Variants in VWA3A observed in about 807,000 individuals in gnomAD.
The protein encoded by VWA3A is von Willebrand factor A domain-containing protein 3A.
VWA3A carries 134 observed loss-of-function variants against 160.4 expected under a neutral mutation model. The ratio of observed to expected loss-of-function variants is 0.84; its 90% CI spans 0.73 to 0.96. The LOEUF is 0.96. Among genes scored for constraint, VWA3A ranks in the 40% least tolerant of loss-of-function variants. The pLI, the probability that VWA3A is intolerant of heterozygous loss-of-function variation, is 0.00. For missense variants in VWA3A, 1,310 were observed against 1,447.9 expected, an observed-to-expected ratio of 0.90 and a Z score of 1.55; for synonymous variants, 476 against 543.4, an observed-to-expected ratio of 0.88 and a Z score of 1.72.
chr16:22,142,169 G>T lies in VWA3A; in HGVS notation c.2494+477G>T, dbSNP rs1300001572. On this transcript the variant is annotated intron_variant, in intron 24 of 33. Coordinates refer to ENST00000389398, the MANE Select transcript of VWA3A (RefSeq NM_173615.5). The stretch of plus-strand genomic sequence containing the variant: ...TTTTACAACTGACTTGATTGACAGA[G>T]AAATTGACATGAAAAAGGGAGCAGT... Among the ~76,000 whole-genome samples, 3 of 152,172 alleles carry T rather than the reference G, an allele frequency of 2.0e-5. No homozygotes were observed. The East Asian group carries it at 5.8e-4, about 29-fold the overall frequency.
chr16:22,130,290 A>T (rs2045925641), intron 17 of VWA3A, among the ~76,000 whole-genome samples: 1 of 152,124 alleles, frequency 6.6e-6, no homozygotes, highest in Non-Finnish European at 1.5e-5. Flanking sequence ...GAAAGAGAAA[A>T]GAGCGAAGTC....
At chr16:22,109,225 A>G (rs1428375145) in intron 6 of VWA3A, among the ~76,000 whole-genome samples, 1 of 152,222 alleles carries the variant, frequency 6.6e-6, no homozygotes, top group Non-Finnish European at 1.5e-5. Context: ...ACCATGTATT[A>G]CTTCATAAGA....
chr16:22,139,534 A>C (rs2046105360), intron 22 of VWA3A, among the ~76,000 whole-genome samples: 1 of 152,050 alleles, frequency 6.6e-6, no homozygotes. Flanking sequence ...TCTCTATTAA[A>C]AATACAGAAA....
Position 22,097,590 on chromosome 16 carries a change from C to CAGAGATTCAAAGAAGCCACT in VWA3A, c.122_141dup (p.Lys48GlufsTer7). ...TTTGTAGCATTAGGAGAAACACTGGCAGAGATTCAAAGAAGCCACTAAAGC... is the reference window on the plus strand; with the variant it reads ...TTTGTAGCATTAGGAGAAACACTGGCAGAGATTCAAAGAAGCCACTAGAGATTCAAAGAAGCCACTAAAGC... On this transcript the variant is annotated frameshift_variant, in exon 3 of 34. Transcript: ENST00000389398. LOFTEE classifies it high-confidence loss of function. 1 of 1,551,534 alleles carries CAGAGATTCAAAGAAGCCACT rather than the reference C, an allele frequency of 6.4e-7. No homozygotes were observed. Among genetic ancestry groups the CAGAGATTCAAAGAAGCCACT allele is most frequent in the Non-Finnish European group, 8.7e-7 (1 of 1,146,954 alleles).
rs397754746 is a variant in VWA3A, at chr16:22,096,963, A to AT, written c.101+38dup. 146,096 of 1,062,956 alleles carry AT rather than the reference A, an allele frequency of 0.14. 465 individuals are homozygous for AT. The highest frequency in any genetic ancestry group is 0.15 in the Non-Finnish European group (119,603 of 772,706). The allele number at this position is 1,062,956 out of a possible 1,614,324, so 65.8% of individuals were successfully genotyped here. A position where few individuals can be genotyped will look rare whatever the true frequency, so the allele number is the denominator to read the frequency against. On this transcript the variant is annotated intron_variant, in intron 2 of 33. Coordinates refer to ENST00000389398, the MANE Select transcript of VWA3A (RefSeq NM_173615.5). ...AACCATTGGTAAGCATAGTTCTCTG[A>AT]TTTTTTTTTTTTTTTTTTTTGAGGC...
intron 20 of VWA3A, among the ~76,000 whole-genome samples, chr16:22,133,397 A>G (rs1260149180): frequency 6.6e-6 from 1 of 152,126 alleles, no homozygotes; most frequent in South Asian, 2.1e-4. Context: ...CATACCCACA[A>G]TCCCAGCAGT....
At chr16:22,112,237 C>A (rs2045562657) in intron 8 of VWA3A, among the ~76,000 whole-genome samples, 1 of 152,104 alleles carries the variant, frequency 6.6e-6, no homozygotes, top group South Asian at 2.1e-4. Context: ...AAGGGAATGT[C>A]CTCGATTGCC....
chr16:22,099,444 C>T lies in VWA3A; in HGVS notation c.226-750C>T, dbSNP rs144781663. 2.3e-4 allele frequency among the ~76,000 whole-genome samples: 35 copies of T among 152,272 alleles called. No homozygotes were observed. In the East Asian group the frequency reaches 6.8e-3, roughly 29 times the overall value. On this transcript the variant is annotated intron_variant, in intron 3 of 33. Transcript: ENST00000389398. ...ATCTGCCACTTTCTAGCTGGATGAC[C>T]TTGGACTGATTACCTAAATTATCTG...
chr16:22,126,398 G>C, intron 17 of VWA3A, 101 bp downstream of exon 17: 1 of 1,476,344 alleles, frequency 6.8e-7, no homozygotes, highest in South Asian at 1.4e-5. Flanking sequence ...AGATATTGAC[G>C]TCATGGTCAC....
At chr16:22,141,135 T>C (rs894410179) in intron 23 of VWA3A, 20 of 455,238 alleles carry the variant, frequency 4.4e-5, no homozygotes, top group South Asian at 3.1e-4. Context: ...TAACAGGCCT[T>C]CACAATCTTA....
chr16:22,134,330 C>T, intron 20 of VWA3A, 38 bp from the exon 21 acceptor site: 1 of 1,557,804 alleles, frequency 6.4e-7, no homozygotes, highest in Non-Finnish European at 8.7e-7. Flanking sequence ...AGGATCCACA[C>T]CCTGTCTCAC....
chr16:22,094,533 T>C (rs2045286500), intron 1 of VWA3A, among the ~76,000 whole-genome samples: 1 of 151,900 alleles, frequency 6.6e-6, no homozygotes, highest in Non-Finnish European at 1.5e-5. Flanking sequence ...GGTATTTTTT[T>C]GGTTGCAAAT....
chr16:22,149,733 C>T (rs2046314634), intron 28 of VWA3A, 54 bp from the exon 29 acceptor site: 2 of 1,541,042 alleles, frequency 1.3e-6, no homozygotes, highest in African/African-American at 2.7e-5. Flanking sequence ...CCTGTTCTAA[C>T]CAATCTCTTT....
intron 26 of VWA3A, among the ~76,000 whole-genome samples, chr16:22,144,791 G>A: frequency 6.6e-6 from 1 of 152,036 alleles, no homozygotes; most frequent in East Asian, 1.9e-4. Flanking sequence ...CTGTGTGCCT[G>A]TAGTCCGAGC....
chr16:22,147,137 C>A (rs1598106546), intron 27 of VWA3A, among the ~76,000 whole-genome samples: 1 of 152,132 alleles, frequency 6.6e-6, no homozygotes, highest in African/African-American at 2.4e-5. Context: ...ATCCTCCCAC[C>A]TCAACCTTGC....
intron 10 of VWA3A, 94 bp downstream of exon 10, chr16:22,116,961 C>T: frequency 7.0e-7 from 1 of 1,425,344 alleles, no homozygotes; most frequent in Non-Finnish European, 9.8e-7. Context: ...GGCCCCCGAG[C>T]TGTGGACCAG....
At chr16:22,115,133 G>T (rs192501096) in intron 8 of VWA3A, among the ~76,000 whole-genome samples, 1 of 152,178 alleles carries the variant, frequency 6.6e-6, no homozygotes, top group Non-Finnish European at 1.5e-5. Context: ...AAAATTAGCC[G>T]GGCAGGATGC....
chr16:22,097,835 C>A lies in VWA3A; in HGVS notation c.225+140C>A, dbSNP rs910492604. ...GAGTAATTAAGCATTTATCTCTAAT[C>A]CTCTGCCTTCAGAAATGACTGAAGA... On this transcript the variant is annotated intron_variant, in intron 3 of 33. Coordinates refer to ENST00000389398, the MANE Select transcript of VWA3A (RefSeq NM_173615.5). The A allele has an allele frequency of 5.9e-6, 7 of 1,186,136 alleles. No individual in the cohort carries two copies. The African/African-American group carries it at 7.7e-5, about 13-fold the overall frequency. 73.5% of individuals were successfully genotyped at this position (1,186,136 alleles called of 1,614,324 possible). A position where few individuals can be genotyped will look rare whatever the true frequency, so the allele number is the denominator to read the frequency against.
intron 28 of VWA3A, among the ~76,000 whole-genome samples, chr16:22,149,529 G>A (rs769452278): frequency 1.3e-5 from 2 of 152,282 alleles, no homozygotes; most frequent in East Asian, 3.9e-4. Context: ...ACAGGCACAG[G>A]CCACTGTGTC....
Sources: allele counts gnomAD v4.1 joint callset (sites outside exome capture counted in the v4.1 genomes callset), GRCh38; gene constraint gnomAD v4.1.1; transcripts MANE v1.5; gene names NCBI Gene and HGNC (gene_info 2026-07-23, HGNC 2026-07-21).